The following POLR2B variants were observed in gnomAD, a reference collection of about 807,000 sequenced individuals.
POLR2B encodes the protein DNA-directed RNA polymerase II subunit RPB2.
In POLR2B, 57 loss-of-function variants were observed where a neutral mutation model predicts 144.6. That is an observed-to-expected ratio of 0.39 (90% CI 0.32 to 0.49). POLR2B has a LOEUF of 0.49. Ranked by LOEUF, POLR2B falls within the 20% of genes least tolerant of loss-of-function variation. The pLI, the probability that POLR2B is intolerant of heterozygous loss-of-function variation, is 0.83. For missense variants in POLR2B, 595 were observed against 1,467.4 expected (o/e 0.41, Z 9.71); for synonymous variants, 442 against 469.8 (o/e 0.94, Z 0.77).
chr4:57,019,199 C>A (rs1723462086), intron 16 of POLR2B, among the ~76,000 whole-genome samples: 1 of 152,102 alleles, frequency 6.6e-6, no homozygotes, highest in African/African-American at 2.4e-5. Context: ...GCTGTGTTTT[C>A]TCCAACATTT....
At chr4:56,988,161 G>A (rs1722389309) in intron 2 of POLR2B, among the ~76,000 whole-genome samples, 1 of 152,090 alleles carries the variant, frequency 6.6e-6, no homozygotes, top group Admixed American at 6.6e-5. Flanking sequence ...GTTTCTGGTG[G>A]CAGGGTTTGG....
intron 14 of POLR2B, among the ~76,000 whole-genome samples, chr4:57,016,273 G>A (rs1428630326): frequency 6.6e-6 from 1 of 152,034 alleles, no homozygotes; most frequent in Non-Finnish European, 1.5e-5. Context: ...TTGCCCAGGT[G>A]TAGTGGCTCA....
intron 1 of POLR2B, among the ~76,000 whole-genome samples, chr4:56,985,024 C>T (rs897190264): frequency 4.6e-5 from 7 of 152,110 alleles, no homozygotes; most frequent in Non-Finnish European, 1.0e-4. Flanking sequence ...GACTCTGGTT[C>T]ATTTGGGAAG....
At chr4:57,011,922 T>C (rs1466762170) in intron 13 of POLR2B, among the ~76,000 whole-genome samples, 1 of 152,212 alleles carries the variant, frequency 6.6e-6, no homozygotes, top group African/African-American at 2.4e-5. Flanking sequence ...TCAAATTACA[T>C]TTTAAAGTAA....
Position 57,015,566 on chromosome 4 carries a change from G to A in POLR2B, c.1865G>A (p.Cys622Tyr). ...IRIYTDAGRI[C>Y]RPLLIVEKQK... Reference sequence around the variant, plus strand: ...ATCTATACGGATGCAGGCCGTATTTGTAGACCACTTCTGATTGTGGAAAAA... The same window carrying A: ...ATCTATACGGATGCAGGCCGTATTTATAGACCACTTCTGATTGTGGAAAAA... Residue 622 changes from cysteine (C) to tyrosine (Y), a missense_variant, in exon 14 of 25, where the codon TGT (cysteine) becomes TAT (tyrosine). By Grantham distance (194) the Cys-to-Tyr change is radical. Around this residue, in one of 9 missense-constraint regions of POLR2B, gnomAD observed 59 missense variants for 84.2 expected, o/e 0.70. Transcript: ENST00000314595. The A allele has an allele frequency of 6.6e-7, 1 of 1,509,284 alleles. No homozygotes were observed. The highest frequency in any genetic ancestry group is 1.8e-5 in the Admixed American group (1 of 55,602). The allele number at this position is 1,509,284 out of a possible 1,614,324, so 93.5% of individuals were successfully genotyped here. A position where few individuals can be genotyped will look rare whatever the true frequency, so the allele number is the denominator to read the frequency against.
At position 57,005,692 on chromosome 4, in the gene POLR2B, G is replaced by A. The variant is rs1459924738; in HGVS notation, c.1190G>A (p.Gly397Glu). Residue 397 changes from glycine to glutamate, a missense_variant, in exon 9 of 25, where the codon GGG becomes GAG. By Grantham distance (98) the Gly-to-Glu change is moderately conservative (BLOSUM62 -2). Coordinates refer to ENST00000314595, the MANE Select transcript of POLR2B (RefSeq NM_000938.3). Reference protein sequence around the residue: ...HYGNKRLDLAGPLLAFLFRGM... With the variant: ...HYGNKRLDLAEPLLAFLFRGM... Reference sequence around the variant, plus strand: ...GGAAACAAGAGATTGGATCTTGCTGGGCCGCTGCTTGCATTCTTATTTAGA... The same window carrying A: ...GGAAACAAGAGATTGGATCTTGCTGAGCCGCTGCTTGCATTCTTATTTAGA... The A allele has an allele frequency of 6.2e-7, 1 of 1,612,436 alleles. No homozygotes were observed. Among genetic ancestry groups the A allele is most frequent in the African/African-American group, 1.3e-5 (1 of 74,720 alleles).
chr4:56,996,246 ATGTGTGTGTGTGTG>A (rs143954538), intron 6 of POLR2B, among the ~76,000 whole-genome samples: 1 of 62,630 alleles, frequency 1.6e-5, no homozygotes, highest in Non-Finnish European at 3.0e-5. Context: ...GTGTATGTAT[ATGTGTGTGTGTGTG>A]TGTATATATA....
At chr4:56,980,035 A>G (rs942057735) in intron 1 of POLR2B, among the ~76,000 whole-genome samples, 1 of 150,994 alleles carries the variant, frequency 6.6e-6, no homozygotes, top group African/African-American at 2.4e-5. Context: ...TCCTCTCTCT[A>G]TTCCCTCAGG....
At chr4:56,996,262 G>GTATACATATA (rs1553910009) in intron 6 of POLR2B, among the ~76,000 whole-genome samples, 41 of 88,868 alleles carry the variant, frequency 4.6e-4, no homozygotes, top group Middle Eastern at 7.1e-3. Context: ...GTGTGTGTGT[G>GTATACATATA]TATATATATA....
intron 6 of POLR2B, among the ~76,000 whole-genome samples, chr4:56,996,115 A>G (rs577312136): frequency 6.6e-6 from 1 of 151,356 alleles, no homozygotes; most frequent in Admixed American, 6.6e-5. Flanking sequence ...AGTAGCTAGC[A>G]GTTCTTAAAT....
At chr4:57,006,706 C>A in intron 9 of POLR2B, 110 bp from the exon 10 acceptor site, 1 of 793,054 alleles carries the variant, frequency 1.3e-6, no homozygotes, top group Non-Finnish European at 2.1e-6. Flanking sequence ...TCACTCTGCC[C>A]AAACAATTTT....
chr4:56,993,464 T>G (rs563618039), intron 3 of POLR2B, among the ~76,000 whole-genome samples: 1 of 152,240 alleles, frequency 6.6e-6, no homozygotes, highest in Non-Finnish European at 1.5e-5. Flanking sequence ...CCGTTCTCTT[T>G]GCCCTTTATC....
At position 56,996,437 on chromosome 4, in the gene POLR2B, C is replaced by T. The variant is rs1340785384; in HGVS notation, c.735+1028C>T. 4.1e-4 allele frequency among the ~76,000 whole-genome samples: 62 copies of T among 150,502 alleles called. 1 individual carries two copies. In the South Asian group the frequency reaches 7.5e-3, roughly 18 times the overall value. On this transcript the variant is annotated intron_variant, in intron 6 of 24. Coordinates refer to ENST00000314595, the MANE Select transcript of POLR2B (RefSeq NM_000938.3). ...CTGGGACTACAGGCGCCCGCCACCGCGCCCGGCTAATTTTTTTTTTGTATT... is the reference window on the plus strand; with the variant it reads ...CTGGGACTACAGGCGCCCGCCACCGTGCCCGGCTAATTTTTTTTTTGTATT...
At chr4:56,980,089 A>T (rs1578549962) in intron 1 of POLR2B, among the ~76,000 whole-genome samples, 3 of 139,092 alleles carry the variant, frequency 2.2e-5, no homozygotes, top group South Asian at 4.6e-4. Context: ...CAAAAGCTTA[A>T]TTTTTTTTTT....
At chr4:56,986,204 T>C (rs1221486974) in intron 1 of POLR2B, 150 bp from the exon 2 acceptor site, 1 of 724,590 alleles carries the variant, frequency 1.4e-6, no homozygotes, top group South Asian at 1.5e-5. Flanking sequence ...AATTATTTTA[T>C]TAATGTAATT....
At chr4:57,003,169 C>T (rs868627391) in intron 7 of POLR2B, among the ~76,000 whole-genome samples, 4 of 152,120 alleles carry the variant, frequency 2.6e-5, no homozygotes, top group African/African-American at 9.7e-5. Flanking sequence ...CGGTGGCTCA[C>T]GCCTGTAATC....
At chr4:56,981,365 C>T (rs2109636992) in intron 1 of POLR2B, among the ~76,000 whole-genome samples, 1 of 152,128 alleles carries the variant, frequency 6.6e-6, no homozygotes, top group South Asian at 2.1e-4. Context: ...TCAAACAGTG[C>T]TGTAAATGAA....
intron 2 of POLR2B, among the ~76,000 whole-genome samples, chr4:56,989,030 AT>A (rs953346605): frequency 6.6e-6 from 1 of 151,664 alleles, no homozygotes. Context: ...ATGAATTTTG[AT>A]TTTTTTTTAC....
chr4:56,992,904 T>A (rs1234093495), intron 3 of POLR2B, among the ~76,000 whole-genome samples: 1 of 152,098 alleles, frequency 6.6e-6, no homozygotes, highest in Non-Finnish European at 1.5e-5. Flanking sequence ...AAGCTTTGAA[T>A]GTCATTGGAT....
Sources: gnomAD v4.1 joint callset for allele counts (sites outside exome capture counted in the v4.1 genomes callset) on GRCh38, gnomAD v4.1.1 for gene constraint, gnomAD v4.1.1 regional missense constraint, MANE v1.5 for transcripts, NCBI Gene and HGNC (gene_info 2026-07-23, HGNC 2026-07-21) for gene names.